MROH9: variants seen among roughly 807,000 people sequenced by gnomAD.
MROH9 encodes the protein maestro heat like repeat family member 9, also known as maestro heat-like repeat-containing protein family member 9.
MROH9 carries 92 observed loss-of-function variants against 98.2 expected under a neutral mutation model. The ratio of observed to expected loss-of-function variants is 0.94; its 90% confidence interval spans 0.79 to 1.11. The LOEUF (loss-of-function observed/expected upper bound fraction) is 1.11, where lower values mean the gene tolerates loss of function less well. Ranked by LOEUF, MROH9 falls within the 50% of genes most tolerant of loss-of-function variation. The pLI is 0.00. For missense variants in MROH9, 1,057 were observed against 1,014.8 expected (o/e 1.04, Z -0.57); for synonymous variants, 397 against 368.9 (o/e 1.08, Z -0.87).
intron 3 of MROH9, among the ~76,000 whole-genome samples, chr1:170,958,076 T>G (rs1649846599): frequency 6.6e-6 from 1 of 152,158 alleles, no homozygotes; most frequent in Admixed American, 6.5e-5. Context: ...CCCAAAGTGC[T>G]GGGATTACAG....
intron 20 of MROH9, among the ~76,000 whole-genome samples, chr1:171,047,657 A>G (rs554070854): frequency 1.3e-5 from 2 of 152,220 alleles, no homozygotes; most frequent in Admixed American, 1.3e-4. Context: ...TGATTGGTCC[A>G]TGGTGCCTTA....
chr1:171,056,598 A>C (rs1397374547), intron 20 of MROH9, among the ~76,000 whole-genome samples: 1 of 151,588 alleles, frequency 6.6e-6, no homozygotes, highest in Non-Finnish European at 1.5e-5. Context: ...GTTTCCCCCT[A>C]GCAAAGCACA....
In MROH9 at chr1:170,959,537, G is replaced by T; in HGVS notation, c.228G>T (p.Met76Ile). ...CATCCTTTGGAATGCTAGTTGTCAT[G>T]CCAAGTCTTGACAAAGTAAAAGAAA... The part of the protein sequence containing the change: ...IESSFGMLVV[M>I]PSLDKVKEMG... The change falls in exon 5 of 22, where the codon ATG becomes ATT. Residue 76 changes from methionine to isoleucine, a missense_variant. Coordinates refer to ENST00000367759, the MANE Select transcript of MROH9 (RefSeq NM_001163629.2). 1 of 1,613,620 alleles carries T rather than the reference G, an allele frequency of 6.2e-7. No individual in the cohort carries two copies. The highest frequency in any genetic ancestry group is 8.5e-7 in the Non-Finnish European group (1 of 1,179,754).
chr1:171,035,100 T>C (rs530614299), intron 20 of MROH9, among the ~76,000 whole-genome samples: 2 of 152,170 alleles, frequency 1.3e-5, no homozygotes, highest in African/African-American at 2.4e-5. Flanking sequence ...TGTAAGATAA[T>C]ATCTTCATAA....
intron 1 of MROH9, among the ~76,000 whole-genome samples, chr1:170,942,126 G>T (rs1446122670): frequency 3.3e-5 from 5 of 151,962 alleles, no homozygotes; most frequent in Non-Finnish European, 4.4e-5. Flanking sequence ...TTCTACACAG[G>T]TTCCCTGGAT....
intron 20 of MROH9, among the ~76,000 whole-genome samples, chr1:171,037,382 G>A (rs1417465777): frequency 1.3e-5 from 2 of 150,920 alleles, no homozygotes; most frequent in Non-Finnish European, 3.0e-5. Flanking sequence ...AAGAAAGGAA[G>A]GGAGGTCTAA....
At chr1:171,012,242 T>G (rs1652178532) in intron 15 of MROH9, among the ~76,000 whole-genome samples, 1 of 152,056 alleles carries the variant, frequency 6.6e-6, no homozygotes, top group South Asian at 2.1e-4. Flanking sequence ...TCTTTTTGGT[T>G]TCTTCTTTTA....
chr1:171,012,598 G>T (rs1209980925), intron 15 of MROH9, among the ~76,000 whole-genome samples: 1 of 150,918 alleles, frequency 6.6e-6, no homozygotes, highest in African/African-American at 2.4e-5. Flanking sequence ...CGCCTCCCGG[G>T]TTCACTCCAT....
intron 8 of MROH9, among the ~76,000 whole-genome samples, chr1:170,979,498 A>G (rs1483918057): frequency 6.6e-6 from 1 of 152,238 alleles, no homozygotes; most frequent in Non-Finnish European, 1.5e-5. Context: ...ACTTTGATCT[A>G]TACTTCATAT....
intron 7 of MROH9, among the ~76,000 whole-genome samples, chr1:170,969,531 A>T (rs1474036405): frequency 6.6e-6 from 1 of 152,208 alleles, no homozygotes; most frequent in Non-Finnish European, 1.5e-5. Flanking sequence ...GGAAGAATGG[A>T]ATTGAGATAG....
chr1:170,942,395 A>G (rs974602115), intron 1 of MROH9, among the ~76,000 whole-genome samples: 2 of 149,632 alleles, frequency 1.3e-5, no homozygotes, highest in Non-Finnish European at 2.9e-5. Flanking sequence ...ACACACACAC[A>G]CACACACACA....
chr1:171,040,393 C>A (rs1653258226), intron 20 of MROH9, among the ~76,000 whole-genome samples: 2 of 151,956 alleles, frequency 1.3e-5, no homozygotes, highest in African/African-American at 4.8e-5. Context: ...GCTAAAAGAA[C>A]ACTTAAAATA....
intron 3 of MROH9, among the ~76,000 whole-genome samples, chr1:170,952,179 G>A (rs9426912): frequency 0.08 from 12,107 of 151,850 alleles, 616 homozygotes; most frequent in Non-Finnish European, 0.11. Flanking sequence ...AACCATTGTG[G>A]AAGTCAGTGT....
At position 170,965,239 on chromosome 1, in the gene MROH9, C is replaced by T; in HGVS notation, c.464C>T (p.Thr155Ile). The T allele has an allele frequency of 6.2e-7, 1 of 1,608,576 alleles. No homozygotes were observed. Among genetic ancestry groups the T allele is most frequent in the Non-Finnish European group, 8.5e-7 (1 of 1,175,526 alleles). ...IINKVLRFTV[T>I]KVRKYISVDA... ...AACAAGGTGTTAAGATTTACAGTCA[C>T]AAAAGTCAGAAAATACGTAAGTCAC... is the stretch of plus-strand genomic sequence containing the variant. Residue 155 changes from threonine (T) to isoleucine (I), a missense_variant, in exon 7 of 22, where the codon ACA becomes ATA. Physicochemically the swap from Thr to Ile is moderately conservative, Grantham distance 89. Coordinates refer to ENST00000367759, the MANE Select transcript of MROH9 (RefSeq NM_001163629.2).
intron 16 of MROH9, 122 bp from the exon 17 acceptor site, chr1:171,016,041 A>C: frequency 1.9e-6 from 1 of 529,974 alleles, no homozygotes; most frequent in Admixed American, 4.4e-5. Flanking sequence ...TTGACAAGAG[A>C]TTTTCGTGAG....
chr1:171,013,874 TACACACACACAC>T (rs34557125), intron 15 of MROH9, among the ~76,000 whole-genome samples: 1,923 of 144,366 alleles, frequency 0.013, 51 homozygotes, highest in African/African-American at 0.045. Context: ...GTAAAATACA[TACACACACACAC>T]ACACACACAC....
At chr1:170,936,875 T>C (rs1355213517) in intron 1 of MROH9, among the ~76,000 whole-genome samples, 1 of 151,388 alleles carries the variant, frequency 6.6e-6, no homozygotes, top group East Asian at 1.9e-4. Context: ...GGGGGAGATC[T>C]GTGTAGGGGG....
At chr1:170,946,761 C>T (rs1033254440) in intron 2 of MROH9, among the ~76,000 whole-genome samples, 2 of 151,832 alleles carry the variant, frequency 1.3e-5, no homozygotes, top group Non-Finnish European at 2.9e-5. Flanking sequence ...CTACCTCCTC[C>T]AAGCAAGCAA....
Position 170,971,759 on chromosome 1 carries a change from T to C in MROH9, c.492T>C (p.Asp164=). 1 of 1,614,104 alleles carries C rather than the reference T, an allele frequency of 6.2e-7. No individual in the cohort carries two copies. Among genetic ancestry groups the C allele is most frequent in the Non-Finnish European group, 8.5e-7 (1 of 1,179,944 alleles). ...VTKVRKYISV[D]APCLGLLAAE... is the part of the protein sequence containing the mutation. Reference sequence around the variant, plus strand: ...TGTTTCTCCATTAGATAAGTGTTGATGCTCCATGTTTGGGTCTCCTGGCAG... The same window carrying C: ...TGTTTCTCCATTAGATAAGTGTTGACGCTCCATGTTTGGGTCTCCTGGCAG... The change falls in exon 8 of 22, where the codon GAT becomes GAC. Residue 164 remains aspartate, a synonymous_variant. Coordinates refer to ENST00000367759, the MANE Select transcript of MROH9 (RefSeq NM_001163629.2).
Sources: gnomAD v4.1 joint callset for allele counts (sites outside exome capture counted in the v4.1 genomes callset) on GRCh38, gnomAD v4.1.1 for gene constraint, MANE v1.5 for transcripts, NCBI Gene and HGNC (gene_info 2026-07-23, HGNC 2026-07-21) for gene names.